RIMS2: variants seen among roughly 807,000 people sequenced by gnomAD.
RIMS2 encodes the protein regulating synaptic membrane exocytosis protein 2.
RIMS2 carries 59 observed loss-of-function variants against 174.4 expected under a neutral mutation model. The observed-to-expected ratio is 0.34, with a 90% CI of 0.27 to 0.42. RIMS2 has a LOEUF of 0.42. RIMS2 is among the 10% of genes least tolerant of loss of function. The pLI, the probability that RIMS2 is intolerant of heterozygous loss-of-function variation, is 1.00. For missense variants in RIMS2, 1,620 were observed against 1,666.3 expected, an observed-to-expected ratio of 0.97 and a Z score of 0.48; for synonymous variants, 606 against 572.5, an observed-to-expected ratio of 1.06 and a Z score of -0.84.
chr8:103,778,846 T>C (rs907042530), intron 3 of RIMS2, among the ~76,000 whole-genome samples: 3 of 152,178 alleles, frequency 2.0e-5, no homozygotes, highest in African/African-American at 7.2e-5. Flanking sequence ...CCATAGTGGC[T>C]ATACTAATTT....
At chr8:103,991,802 C>T (rs1187052466) in intron 17 of RIMS2, among the ~76,000 whole-genome samples, 2 of 151,988 alleles carry the variant, frequency 1.3e-5, no homozygotes. Context: ...AGGATTTAAC[C>T]TCTTGCTACC....
intron 1 of RIMS2, among the ~76,000 whole-genome samples, chr8:103,648,753 G>A (rs529402080): frequency 6.6e-6 from 1 of 152,134 alleles, no homozygotes; most frequent in Admixed American, 6.5e-5. Flanking sequence ...AGAAATACTG[G>A]AATTGCAACC....
chr8:103,757,682 A>G (rs951218452), intron 2 of RIMS2, among the ~76,000 whole-genome samples: 1 of 152,186 alleles, frequency 6.6e-6, no homozygotes, highest in Non-Finnish European at 1.5e-5. Context: ...CAGGTGTGAT[A>G]CAGTAAAGAT....
At position 103,845,947 on chromosome 8, in the gene RIMS2, C is replaced by T. The variant is rs542649437; in HGVS notation, c.699-39351C>T. On this transcript the variant is annotated intron_variant, in intron 3 of 23. Coordinates refer to ENST00000504942, the Ensembl canonical transcript of RIMS2. ...GCTAAGGATCTCTATTCTTGAAGAA[C>T]GTAATACTTACTGGTGACCTTAACT... 1.6e-4 allele frequency among the ~76,000 whole-genome samples: 25 copies of T among 152,260 alleles called. 2 individuals are homozygous for T. The South Asian group carries it at 5.0e-3, about 30-fold the overall frequency.
chr8:103,706,849 C>A (rs1156604977), intron 2 of RIMS2, among the ~76,000 whole-genome samples: 1 of 152,026 alleles, frequency 6.6e-6, no homozygotes, highest in Non-Finnish European at 1.5e-5. Context: ...TTGGAAAGTT[C>A]TCTTATTATT....
intron 2 of RIMS2, among the ~76,000 whole-genome samples, chr8:103,699,580 C>T (rs1564335016): frequency 6.6e-6 from 1 of 151,920 alleles, no homozygotes; most frequent in Non-Finnish European, 1.5e-5. Context: ...CTGCTTTGAT[C>T]TTTTTTTCTT....
chr8:103,875,550 G>A (rs868191318), intron 3 of RIMS2, among the ~76,000 whole-genome samples: 6 of 151,910 alleles, frequency 3.9e-5, no homozygotes, highest in African/African-American at 4.8e-5. Flanking sequence ...CTTTGCCATC[G>A]TAAATTGTAC....
rs2137535010 is a variant in RIMS2, at chr8:104,208,847, T to C, written c.3335-36069T>C. Among the ~76,000 whole-genome samples, 3 of 152,314 alleles carry C rather than the reference T, an allele frequency of 2.0e-5. No individual in the cohort carries two copies. In the Middle Eastern group the frequency reaches 0.01, roughly 518 times the overall value. ...CCACCACGCCCAGCCTGATAGACAC[T>C]TTTAAATGGACCCGAAATTCCATGA... On this transcript the variant is annotated intron_variant, in intron 19 of 23. Coordinates refer to ENST00000504942, the Ensembl canonical transcript of RIMS2.
intron 19 of RIMS2, among the ~76,000 whole-genome samples, chr8:104,182,882 G>A (rs1006799164): frequency 1.1e-4 from 16 of 151,704 alleles, no homozygotes; most frequent in African/African-American, 3.9e-4. Context: ...TTGTGTGAAA[G>A]TATTTGTGCA....
intron 19 of RIMS2, among the ~76,000 whole-genome samples, chr8:104,241,596 C>A (rs1483057921): frequency 6.6e-6 from 1 of 152,064 alleles, no homozygotes; most frequent in Admixed American, 6.6e-5. Flanking sequence ...GTTTCTTGTA[C>A]GTATCCTCAT....
chr8:103,744,266 G>A (rs1284920166), intron 2 of RIMS2, among the ~76,000 whole-genome samples: 1 of 151,834 alleles, frequency 6.6e-6, no homozygotes, highest in Non-Finnish European at 1.5e-5. Context: ...GGATGGTCTC[G>A]ATCTCTTGAC....
At chr8:103,509,420 A>T (rs866958864) in intron 1 of RIMS2, among the ~76,000 whole-genome samples, 2 of 152,156 alleles carry the variant, frequency 1.3e-5, no homozygotes, top group Non-Finnish European at 2.9e-5. Context: ...TCTTTGTTTT[A>T]TATGTTAGGC....
At chr8:104,135,170 G>T (rs2098508067) in intron 19 of RIMS2, among the ~76,000 whole-genome samples, 1 of 152,184 alleles carries the variant, frequency 6.6e-6, no homozygotes, top group Admixed American at 6.5e-5. Flanking sequence ...GAAGGTGAGA[G>T]ATTTGAATAG....
exon 23 of RIMS2, chr8:104,251,051 A>G (rs2099357614): frequency 1.9e-6 from 3 of 1,613,376 alleles, no homozygotes; most frequent in African/African-American, 2.7e-5. Context: ...TATCTATTAG[A>G]TAACGGAGTC....
At chr8:103,736,556 C>G (rs1274199295) in intron 2 of RIMS2, among the ~76,000 whole-genome samples, 3 of 152,160 alleles carry the variant, frequency 2.0e-5, no homozygotes, top group African/African-American at 7.2e-5. Context: ...TTACCCTTAC[C>G]TTGGACTAAT....
intron 2 of RIMS2, among the ~76,000 whole-genome samples, chr8:103,710,438 C>T (rs1261051182): frequency 1.3e-5 from 2 of 151,998 alleles, no homozygotes; most frequent in Non-Finnish European, 2.9e-5. Flanking sequence ...TACGAAATAT[C>T]GGTTCTCTTT....
chr8:103,999,542 A>T (rs919222393), intron 17 of RIMS2, among the ~76,000 whole-genome samples: 1 of 151,714 alleles, frequency 6.6e-6, no homozygotes. Flanking sequence ...CATTTACCTT[A>T]CAAAAATATG....
intron 6 of RIMS2, among the ~76,000 whole-genome samples, chr8:103,914,351 A>C (rs2154528056): frequency 6.6e-6 from 1 of 152,322 alleles, no homozygotes; most frequent in East Asian, 1.9e-4. Context: ...CCGGACAAAT[A>C]AACTTCTCTT....
At chr8:103,959,013 C>T (rs1047444419) in intron 14 of RIMS2, among the ~76,000 whole-genome samples, 6 of 152,126 alleles carry the variant, frequency 3.9e-5, no homozygotes, top group Admixed American at 3.9e-4. Flanking sequence ...CAAACTGGAA[C>T]CTGTGTTTAT....
Sources: allele counts gnomAD v4.1 joint callset (sites outside exome capture counted in the v4.1 genomes callset), GRCh38; gene constraint gnomAD v4.1.1; transcripts MANE v1.5; gene names NCBI Gene and HGNC (gene_info 2026-07-23, HGNC 2026-07-21).